TYW1B: variants seen among roughly 807,000 people sequenced by gnomAD.
TYW1B encodes the protein S-adenosyl-L-methionine-dependent tRNA 4-demethylwyosine synthase TYW1B.
TYW1B carries 73 observed loss-of-function variants against 86.9 expected under a neutral mutation model. That is an observed-to-expected ratio of 0.84 (90% CI 0.70 to 1.02). TYW1B has a LOEUF of 1.02. Ranked by LOEUF, TYW1B falls within the 50% of genes least tolerant of loss-of-function variation. The pLI, the probability that TYW1B is intolerant of heterozygous loss-of-function variation, is 0.00. For missense variants in TYW1B, 637 were observed against 827.4 expected (o/e 0.77, Z 2.82); for synonymous variants, 248 against 292.8 (o/e 0.85, Z 1.56).
chr7:72,756,232 T>TTTTATTTTAC (rs1554466041), intron 7 of TYW1B, among the ~76,000 whole-genome samples: 6,152 of 150,466 alleles, frequency 0.041, 186 homozygotes, highest in Middle Eastern at 0.12. Context: ...TTTTATTTTA[T>TTTTATTTTAC]TTTATTTTAT....
chr7:72,828,177 C>G lies in TYW1B; in HGVS notation c.-102G>C. The G allele has an allele frequency of 1.3e-6, 2 of 1,577,260 alleles. No individual in the cohort carries two copies. The highest frequency in any genetic ancestry group is 1.7e-6 in the Non-Finnish European group (2 of 1,160,338). On this transcript the variant is annotated 5_prime_UTR_variant, in exon 1 of 14. Transcript: ENST00000620995. ...CCGAGCTACCTCGCGGCGTTAGCGC[C>G]GTACCGAGTGGCTGCAGAACTGTGG...
At chr7:72,721,754 G>A (rs1384319757) in intron 9 of TYW1B, among the ~76,000 whole-genome samples, 1 of 151,776 alleles carries the variant, frequency 6.6e-6, no homozygotes, top group African/African-American at 2.4e-5. Flanking sequence ...TAGTTCTTTG[G>A]GTTTTTTGGT....
intron 2 of TYW1B, among the ~76,000 whole-genome samples, chr7:72,819,072 A>T (rs563174106): frequency 6.6e-6 from 1 of 152,182 alleles, no homozygotes; most frequent in Admixed American, 6.6e-5. Context: ...GCCAAAGCTG[A>T]AGGAACTGGG....
At chr7:72,719,541 G>A (rs1435483222) in intron 9 of TYW1B, among the ~76,000 whole-genome samples, 2 of 140,916 alleles carry the variant, frequency 1.4e-5, no homozygotes, top group African/African-American at 5.3e-5. Context: ...TGAGCCAGGA[G>A]AATTGCTTGA....
intron 2 of TYW1B, among the ~76,000 whole-genome samples, chr7:72,818,594 A>G (rs1554479855): frequency 3.3e-5 from 5 of 151,334 alleles, no homozygotes; most frequent in African/African-American, 9.7e-5. Context: ...AAAAAAAAAA[A>G]AAAAAAAGGA....
rs370592600 is a variant in TYW1B, at chr7:72,626,682, C to T, written c.1617+2205G>A. ...TTTTTCGTTCAGCCCGTACCTATAA[C>T]CTAGCAAAACGTTTTATTGGTTCTA... On this transcript the variant is annotated intron_variant, in intron 12 of 13. Transcript: ENST00000620995. 5.6e-3 allele frequency among the ~76,000 whole-genome samples: 853 copies of T among 152,026 alleles called. 9 individuals are homozygous for T. Among genetic ancestry groups the T allele is most frequent in the African/African-American group, 0.02 (809 of 41,432 alleles).
At chr7:72,629,815 TG>T (rs1234750729) in intron 11 of TYW1B, among the ~76,000 whole-genome samples, 1 of 152,136 alleles carries the variant, frequency 6.6e-6, no homozygotes, top group Non-Finnish European at 1.5e-5. Context: ...TCCGAAGGGC[TG>T]GGATTATAGG....
intron 3 of TYW1B, among the ~76,000 whole-genome samples, chr7:72,813,338 G>A (rs1312094478): frequency 6.6e-6 from 1 of 152,066 alleles, no homozygotes; most frequent in Non-Finnish European, 1.5e-5. Context: ...ACCAAGCCCA[G>A]CTAATTTTTG....
rs562764262 is a variant in TYW1B, at chr7:72,756,274, G to A, written c.965-11673C>T. 8.8e-5 allele frequency among the ~76,000 whole-genome samples: 13 copies of A among 147,692 alleles called. No homozygotes were observed. The East Asian group carries it at 1.2e-3, about 13-fold the overall frequency. On this transcript the variant is annotated intron_variant, in intron 7 of 13. Transcript: ENST00000620995. ...TTTTGAGAAGGAGCCTGGCTCTGTCGCCCAGTCTGGAATGCGGTGGCATGA... is the reference window on the plus strand; with the variant it reads ...TTTTGAGAAGGAGCCTGGCTCTGTCACCCAGTCTGGAATGCGGTGGCATGA...
At chr7:72,585,622 C>A (rs1811256366) in intron 13 of TYW1B, among the ~76,000 whole-genome samples, 1 of 152,086 alleles carries the variant, frequency 6.6e-6, no homozygotes. Flanking sequence ...CTTTCCTGTG[C>A]TATTCTGGAG....
intron 2 of TYW1B, among the ~76,000 whole-genome samples, chr7:72,819,445 T>C (rs1314461359): frequency 6.6e-6 from 1 of 152,068 alleles, no homozygotes; most frequent in African/African-American, 2.4e-5. Context: ...TGTCTTTTAT[T>C]TTTTTGAGAG....
chr7:72,752,638 G>A (rs1554465298), intron 7 of TYW1B, among the ~76,000 whole-genome samples: 2 of 152,112 alleles, frequency 1.3e-5, no homozygotes, highest in African/African-American at 4.8e-5. Flanking sequence ...GGCTGAGGCA[G>A]GAGAATCTCT....
chr7:72,662,475 A>G (rs1379811093), intron 11 of TYW1B, among the ~76,000 whole-genome samples: 1 of 151,120 alleles, frequency 6.6e-6, no homozygotes, highest in East Asian at 1.9e-4. Flanking sequence ...AGATAGATAG[A>G]TAAATTTTTT....
intron 9 of TYW1B, among the ~76,000 whole-genome samples, chr7:72,719,825 G>A (rs1786862953): frequency 6.6e-6 from 1 of 152,088 alleles, no homozygotes; most frequent in Admixed American, 6.6e-5. Flanking sequence ...GGGCAAAGAC[G>A]GAAGAGCATT....
At chr7:72,650,303 T>C (rs1813029225) in intron 11 of TYW1B, among the ~76,000 whole-genome samples, 1 of 152,062 alleles carries the variant, frequency 6.6e-6, no homozygotes, top group Non-Finnish European at 1.5e-5. Context: ...CATTAGAAGG[T>C]GACTCAGTCT....
rs192536890 is a variant in TYW1B at position 72,789,388 on chromosome 7, G to A, written c.847-11855C>T. Among the ~76,000 whole-genome samples, 225 of 149,978 alleles carry A rather than the reference G, an allele frequency of 1.5e-3. 1 individual carries two copies. Among genetic ancestry groups the A allele is most frequent in the African/African-American group, 5.3e-3 (217 of 40,790 alleles). ...TGACCTCAGGTGATCTGCCCGCCTC[G>A]GCCTCCCAAACTACTGGGATGATAG... On this transcript the variant is annotated intron_variant, in intron 6 of 13. Transcript: ENST00000620995.
At chr7:72,790,059 T>C (rs1342909106) in intron 6 of TYW1B, among the ~76,000 whole-genome samples, 2 of 149,580 alleles carry the variant, frequency 1.3e-5, no homozygotes, top group Non-Finnish European at 3.0e-5. Flanking sequence ...GGGATTCTCC[T>C]GCCTTAGTCT....
At chr7:72,770,427 CAAAAAAA>C (rs587645992) in intron 7 of TYW1B, among the ~76,000 whole-genome samples, 10 of 94,452 alleles carry the variant, frequency 1.1e-4, no homozygotes, top group African/African-American at 2.6e-4. Flanking sequence ...GACTCCGTCT[CAAAAAAA>C]AAAAAAAAAA....
At chr7:72,711,368 TA>T (rs1786657466) in intron 10 of TYW1B, among the ~76,000 whole-genome samples, 6 of 151,454 alleles carry the variant, frequency 4.0e-5, no homozygotes, top group Admixed American at 4.0e-4. Context: ...TCTTAGTCTG[TA>T]ACAGAGTGTG....
Sources: allele counts gnomAD v4.1 joint callset (sites outside exome capture counted in the v4.1 genomes callset), GRCh38; gene constraint gnomAD v4.1.1; transcripts MANE v1.5; gene names NCBI Gene and HGNC (gene_info 2026-07-23, HGNC 2026-07-21).